SGCZ: variants seen among roughly 807,000 people sequenced by gnomAD.
The protein encoded by SGCZ is sarcoglycan zeta.
Under a neutral mutation model 41.3 loss-of-function variants are expected in SGCZ, and 40 were observed. That is an observed-to-expected ratio of 0.97 (90% CI 0.75 to 1.26). The LOEUF is 1.26. Ranked by LOEUF, SGCZ falls within the 50% of genes most tolerant of loss-of-function variation. SGCZ has a pLI of 0.00. For synonymous variants in SGCZ, 206 were observed against 137.5 expected, an observed-to-expected ratio of 1.50 and a Z score of -3.49; for missense variants, 552 against 369.8, an observed-to-expected ratio of 1.49 and a Z score of -4.04.
chr8:14,408,233 G>T (rs1027182547), intron 2 of SGCZ, among the ~76,000 whole-genome samples: 1 of 152,150 alleles, frequency 6.6e-6, no homozygotes, highest in East Asian at 1.9e-4. Context: ...AAAGGGAACT[G>T]CTGTATTTGC....
chr8:14,957,619 T>G (rs1297960350), intron 1 of SGCZ, among the ~76,000 whole-genome samples: 2 of 152,076 alleles, frequency 1.3e-5, no homozygotes, highest in Non-Finnish European at 2.9e-5. Flanking sequence ...GATTTCTTAT[T>G]ATATGGTGCC....
chr8:15,173,051 G>A (rs948044147), intron 1 of SGCZ, among the ~76,000 whole-genome samples: 1 of 152,048 alleles, frequency 6.6e-6, no homozygotes, highest in East Asian at 1.9e-4. Context: ...ATAAGTCCTC[G>A]ACTTTTAAAT....
intron 2 of SGCZ, among the ~76,000 whole-genome samples, chr8:14,395,677 G>A (rs1408267358): frequency 6.6e-6 from 1 of 152,136 alleles, no homozygotes; most frequent in Non-Finnish European, 1.5e-5. Flanking sequence ...AAAATACCCT[G>A]ACCCATTTTC....
intron 1 of SGCZ, among the ~76,000 whole-genome samples, chr8:15,108,451 A>C (rs1806917414): frequency 6.6e-6 from 1 of 152,234 alleles, no homozygotes; most frequent in Non-Finnish European, 1.5e-5. Context: ...AGCTCTGTTA[A>C]TGAAATCAAG....
At chr8:15,078,404 CTCTA>C (rs1209197829) in intron 1 of SGCZ, among the ~76,000 whole-genome samples, 1 of 151,878 alleles carries the variant, frequency 6.6e-6, no homozygotes, top group Non-Finnish European at 1.5e-5. Flanking sequence ...TGAATGTACT[CTCTA>C]TCTCAGGTCA....
At chr8:14,883,820 T>C (rs1298009753) in intron 1 of SGCZ, among the ~76,000 whole-genome samples, 1 of 151,560 alleles carries the variant, frequency 6.6e-6, no homozygotes, top group Non-Finnish European at 1.5e-5. Context: ...TTCTTCTATT[T>C]TGCTGTTGTT....
chr8:15,216,333 C>A (rs1457856691), intron 1 of SGCZ, among the ~76,000 whole-genome samples: 1 of 149,756 alleles, frequency 6.7e-6, no homozygotes, highest in Non-Finnish European at 1.5e-5. Context: ...CATTCTTCTG[C>A]CTCAGCCTCC....
chr8:15,026,525 A>G (rs1469258639), intron 1 of SGCZ, among the ~76,000 whole-genome samples: 1 of 152,200 alleles, frequency 6.6e-6, no homozygotes, highest in Non-Finnish European at 1.5e-5. Context: ...ACAAAAATGC[A>G]TTGATTCCCA....
chr8:14,146,891 AAT>A (rs1331132995), intron 5 of SGCZ, among the ~76,000 whole-genome samples: 2 of 135,460 alleles, frequency 1.5e-5, no homozygotes, highest in African/African-American at 2.9e-5. Flanking sequence ...AAATAAAAAA[AAT>A]AATAATAATA....
intron 2 of SGCZ, among the ~76,000 whole-genome samples, chr8:14,432,155 T>C (rs889920989): frequency 2.0e-5 from 3 of 152,182 alleles, no homozygotes; most frequent in African/African-American, 7.2e-5. Flanking sequence ...AGAACTACCA[T>C]TTGATCCAGC....
At position 14,638,069 on chromosome 8, in the gene SGCZ, A is replaced by G. The variant is rs7830589; in HGVS notation, c.40-83143T>C. ...ATTTGTATTTCTCTGACGATCAGTG[A>G]CGTTGAGCATTTTTTCATATGTATG... On this transcript the variant is annotated intron_variant, in intron 1 of 7. Coordinates refer to ENST00000382080, the MANE Select transcript of SGCZ (RefSeq NM_139167.4). Among the ~76,000 whole-genome samples, 694 of 151,978 alleles carry G rather than the reference A, an allele frequency of 4.6e-3. 6 individuals are homozygous for G. Among genetic ancestry groups the G allele is most frequent in the African/African-American group, 0.015 (641 of 41,498 alleles).
At chr8:14,526,126 A>G (rs553136597) in intron 2 of SGCZ, among the ~76,000 whole-genome samples, 2 of 152,280 alleles carry the variant, frequency 1.3e-5, no homozygotes, top group African/African-American at 4.8e-5. Flanking sequence ...TTATAAAAAC[A>G]AATTTAAGCT....
At chr8:14,946,501 G>C (rs960434056) in intron 1 of SGCZ, among the ~76,000 whole-genome samples, 5 of 151,780 alleles carry the variant, frequency 3.3e-5, no homozygotes, top group African/African-American at 1.2e-4. Context: ...GTGTAATTGA[G>C]TTCTCCCTCT....
At chr8:15,189,085 A>C (rs1231091254) in intron 1 of SGCZ, among the ~76,000 whole-genome samples, 3 of 152,160 alleles carry the variant, frequency 2.0e-5, no homozygotes, top group African/African-American at 7.2e-5. Flanking sequence ...TGTGTTTTTT[A>C]AGAGATTCAG....
intron 3 of SGCZ, among the ~76,000 whole-genome samples, chr8:14,256,782 T>A (rs938091031): frequency 9.2e-5 from 14 of 152,310 alleles, no homozygotes; most frequent in African/African-American, 3.1e-4. Context: ...AAATCTGAGT[T>A]ATCAACTTTC....
intron 1 of SGCZ, among the ~76,000 whole-genome samples, chr8:14,965,143 G>A (rs1801092741): frequency 6.6e-6 from 1 of 152,104 alleles, no homozygotes; most frequent in African/African-American, 2.4e-5. Flanking sequence ...GGGATCCACT[G>A]AGGACAAATC....
intron 1 of SGCZ, among the ~76,000 whole-genome samples, chr8:15,016,379 A>C (rs1038564182): frequency 3.3e-5 from 5 of 152,194 alleles, no homozygotes; most frequent in Non-Finnish European, 7.4e-5. Flanking sequence ...CACCAGGGGA[A>C]TAACATGGCG....
rs76157024 is a variant in SGCZ, at chr8:15,120,106, G to A, written c.39+117479C>T. ...AGTGACCCTCCCACCTCGGCCTTCC[G>A]AAGTGTTGGGTTACAGGCATGAGCC... On this transcript the variant is annotated intron_variant, in intron 1 of 7. Coordinates refer to ENST00000382080, the MANE Select transcript of SGCZ (RefSeq NM_139167.4). Among the ~76,000 whole-genome samples, 602 of 152,298 alleles carry A rather than the reference G, an allele frequency of 4.0e-3. 2 individuals are homozygous for A. The highest frequency in any genetic ancestry group is 0.014 in the African/African-American group (571 of 41,566).
Position 14,453,894 on chromosome 8 carries a change from C to G in SGCZ, c.234+100838G>C, listed in dbSNP as rs200589413. On this transcript the variant is annotated intron_variant, in intron 2 of 7. Transcript: ENST00000382080. The stretch of plus-strand genomic sequence containing the variant: ...GAACTGTCTCCTAAAATTATTTTCT[C>G]TTGATTTGACATTCTGAGTGTCAAA... Among the ~76,000 whole-genome samples, 20 of 152,172 alleles carry G rather than the reference C, an allele frequency of 1.3e-4. No individual in the cohort carries two copies. In the East Asian group the frequency reaches 3.7e-3, roughly 28 times the overall value.
Sources: allele counts gnomAD v4.1 joint callset (sites outside exome capture counted in the v4.1 genomes callset), GRCh38; gene constraint gnomAD v4.1.1; transcripts MANE v1.5; gene names NCBI Gene and HGNC (gene_info 2026-07-23, HGNC 2026-07-21).